The following STAB2 variants were observed in gnomAD, a reference collection of about 807,000 sequenced individuals.
The protein encoded by STAB2 is stabilin-2.
A neutral mutation model predicts 338.1 loss-of-function variants in STAB2; 288 were observed. That is an observed-to-expected ratio of 0.85 (90% CI 0.77 to 0.94). The LOEUF is 0.94. STAB2 is among the 40% of genes least tolerant of loss of function. The pLI is 0.00. For missense variants in STAB2, 3,141 were observed against 3,210.1 expected (o/e 0.98, Z 0.52); for synonymous variants, 1,202 against 1,193.3 (o/e 1.01, Z -0.15).
At chr12:103,685,897 T>C (rs1174340230) in intron 27 of STAB2, among the ~76,000 whole-genome samples, 1 of 152,202 alleles carries the variant, frequency 6.6e-6, no homozygotes, top group Non-Finnish European at 1.5e-5. Context: ...ATTCTTTATT[T>C]TCTTTTCATC....
chr12:103,724,535 C>A (rs1881028860), intron 44 of STAB2, among the ~76,000 whole-genome samples: 2 of 152,204 alleles, frequency 1.3e-5, no homozygotes, highest in African/African-American at 4.8e-5. Context: ...CTCTGCCCAT[C>A]TTCCACAACT....
rs563849002 is a variant in STAB2, at chr12:103,759,460, G to A, written c.7248+187G>A. Among the ~76,000 whole-genome samples the A allele has an allele frequency of 2.8e-4, 42 of 152,312 alleles. No homozygotes were observed. The South Asian group carries it at 8.7e-3, about 32-fold the overall frequency. ...CAATTGGGCAGCCCCTACCCCTTGG[G>A]AAATAGGGCAGCCTCAGAAGCTGGT... On this transcript the variant is annotated intron_variant, in intron 65 of 68. Coordinates refer to ENST00000388887, the MANE Select transcript of STAB2 (RefSeq NM_017564.10).
In STAB2 at chr12:103,725,106, C is replaced by T. The variant is rs1020840343; in HGVS notation, c.4803+12C>T. On this transcript the variant is annotated intron_variant, in intron 45 of 68. Transcript: ENST00000388887. Reference sequence around the variant, plus strand: ...GCAGCATTTATCAGGTAACGCGAGACATGTTTCCATCAAGTAAACTCTACT... The same window carrying T: ...GCAGCATTTATCAGGTAACGCGAGATATGTTTCCATCAAGTAAACTCTACT... 25 of 1,606,518 alleles carry T rather than the reference C, an allele frequency of 1.6e-5. No homozygotes were observed. The highest frequency in any genetic ancestry group is 6.7e-5 in the Admixed American group (4 of 59,944).
chr12:103,704,599 C>T lies in STAB2; in HGVS notation c.3885C>T (p.Phe1295=), dbSNP rs142098710. The change falls in exon 36 of 69, where the codon TTC becomes TTT. Residue 1295 remains phenylalanine, a synonymous_variant. Transcript: ENST00000388887. ...RTCSSELTCP[F]GTKSLGNEKR... ...GCTCCTCAGAGCTGACCTGCCCATT[C>T]GGAACTAAATCTCTAGTAAGTACTT... 31 of 1,613,658 alleles carry T rather than the reference C, an allele frequency of 1.9e-5. No individual in the cohort carries two copies. The highest frequency in any genetic ancestry group is 1.2e-4 in the African/African-American group (9 of 75,038).
At chr12:103,667,538 A>G (rs1020749924) in intron 19 of STAB2, among the ~76,000 whole-genome samples, 1 of 152,126 alleles carries the variant, frequency 6.6e-6, no homozygotes, top group Non-Finnish European at 1.5e-5. Flanking sequence ...AGGGAAAGAG[A>G]AGGAAGAGGG....
At chr12:103,703,422 C>A in intron 35 of STAB2, 146 bp downstream of exon 35, 1 of 1,062,358 alleles carries the variant, frequency 9.4e-7, no homozygotes, top group Non-Finnish European at 1.3e-6. Flanking sequence ...TGCCAAGGAG[C>A]ATACCAGGCT....
At chr12:103,692,985 T>C in intron 31 of STAB2, 96 bp downstream of exon 31, 1 of 940,114 alleles carries the variant, frequency 1.1e-6, no homozygotes, top group Non-Finnish European at 1.6e-6. Context: ...GAAAAATACT[T>C]AGCCTTATAT....
intron 3 of STAB2, among the ~76,000 whole-genome samples, chr12:103,601,054 C>T (rs891268477): frequency 1.3e-5 from 2 of 152,206 alleles, no homozygotes; most frequent in Non-Finnish European, 2.9e-5. Flanking sequence ...AACAAAATTA[C>T]AAGCCAGAGC....
intron 44 of STAB2, 95 bp from the exon 45 acceptor site, chr12:103,724,880 A>T: frequency 6.4e-7 from 1 of 1,561,872 alleles, no homozygotes. Context: ...GAGACAAAAA[A>T]TGAATTCAAA....
At chr12:103,756,667 C>T (rs1010074471) in intron 63 of STAB2, among the ~76,000 whole-genome samples, 2 of 152,126 alleles carry the variant, frequency 1.3e-5, no homozygotes, top group Non-Finnish European at 2.9e-5. Context: ...ACAAGGACAG[C>T]CTGGGCCACT....
At chr12:103,743,021 T>TC (rs1247612226) in intron 56 of STAB2, among the ~76,000 whole-genome samples, 3 of 85,510 alleles carry the variant, frequency 3.5e-5, no homozygotes, top group Non-Finnish European at 6.9e-5. Flanking sequence ...CAATTTTTTT[T>TC]TCTTTTTTTT....
chr12:103,732,586 G>A (rs1379511036), intron 50 of STAB2, among the ~76,000 whole-genome samples: 2 of 152,038 alleles, frequency 1.3e-5, no homozygotes, highest in African/African-American at 2.4e-5. Context: ...CAGGAGGATT[G>A]CTTGAGCCCA....
intron 25 of STAB2, among the ~76,000 whole-genome samples, chr12:103,682,375 G>A (rs1876999278): frequency 6.6e-6 from 1 of 152,188 alleles, no homozygotes; most frequent in African/African-American, 2.4e-5. Flanking sequence ...GCCCTCAGCT[G>A]GGACTAGTTG....
intron 31 of STAB2, among the ~76,000 whole-genome samples, chr12:103,693,297 A>T (rs975585536): frequency 6.6e-6 from 1 of 151,910 alleles, no homozygotes; most frequent in African/African-American, 2.4e-5. Flanking sequence ...CTACCAAAAA[A>T]AAAAGCATGC....
intron 52 of STAB2, among the ~76,000 whole-genome samples, chr12:103,737,377 G>A (rs58820268): frequency 0.12 from 17,619 of 152,164 alleles, 1,306 homozygotes; most frequent in South Asian, 0.2. Context: ...CATCCATAGA[G>A]ACACCTTGGA....
At chr12:103,636,593 T>C (rs1009346858) in intron 6 of STAB2, among the ~76,000 whole-genome samples, 1 of 152,164 alleles carries the variant, frequency 6.6e-6, no homozygotes, top group African/African-American at 2.4e-5. Context: ...GCCAAAATGC[T>C]GATACCCTGG....
intron 50 of STAB2, among the ~76,000 whole-genome samples, chr12:103,732,137 T>C (rs10778283): frequency 0.25 from 37,500 of 151,770 alleles, 6,851 homozygotes; most frequent in African/African-American, 0.51. Context: ...GGTGAAACTC[T>C]GTCTCTACTA....
chr12:103,641,482 C>G (rs1183941099), intron 9 of STAB2, among the ~76,000 whole-genome samples: 1 of 152,180 alleles, frequency 6.6e-6, no homozygotes, highest in Non-Finnish European at 1.5e-5. Flanking sequence ...AGAAATCCTT[C>G]AATACATGTG....
At position 103,670,700 on chromosome 12, in the gene STAB2, C is replaced by A; in HGVS notation, c.2264C>A (p.Ala755Glu). ...GGGCCCTGCCTTTGCTCCCAGTGTG[C>A]AGATAGCCTCGGCGGCAACGGGACA... Reference protein sequence around the residue: ...SNPCSGNGQCADSLGGNGTCI... With the variant: ...SNPCSGNGQCEDSLGGNGTCI... Residue 755 changes from alanine (A) to glutamate (E), a missense_variant, in exon 22 of 69, where the codon GCA becomes GAA. By Grantham distance (107) the Ala-to-Glu change is moderately radical. Transcript: ENST00000388887. 1.2e-6 allele frequency: 2 copies of A among 1,613,734 alleles called. No homozygotes were observed. The highest frequency in any genetic ancestry group is 1.7e-6 in the Non-Finnish European group (2 of 1,179,780).
Sources: allele counts gnomAD v4.1 joint callset (sites outside exome capture counted in the v4.1 genomes callset), GRCh38; gene constraint gnomAD v4.1.1; transcripts MANE v1.5; gene names NCBI Gene and HGNC (gene_info 2026-07-23, HGNC 2026-07-21).